L3MBTL4: variants seen among roughly 807,000 people sequenced by gnomAD.
L3MBTL4 encodes the protein lethal(3)malignant brain tumor-like protein 4.
A neutral mutation model predicts 84.5 loss-of-function variants in L3MBTL4; 70 were observed. The observed-to-expected ratio is 0.83, with a 90% CI of 0.68 to 1.01. The LOEUF is 1.01. Among genes scored for constraint, L3MBTL4 ranks in the 50% least tolerant of loss-of-function variants. L3MBTL4 has a pLI of 0.00. For missense variants in L3MBTL4, 715 were observed against 754.8 expected (o/e 0.95, Z 0.62); for synonymous variants, 274 against 259.8 (o/e 1.05, Z -0.52).
At chr18:6,172,095 T>C (rs949494803) in intron 12 of L3MBTL4, among the ~76,000 whole-genome samples, 153 bp from the exon 13 acceptor site, 2 of 152,236 alleles carry the variant, frequency 1.3e-5, no homozygotes, top group African/African-American at 2.4e-5. Flanking sequence ...TGCCATTCTA[T>C]AGCCTTCTAA....
chr18:6,295,338 CTCTCTCTCTATATA>C (rs1467950225), intron 4 of L3MBTL4, among the ~76,000 whole-genome samples: 85 of 126,512 alleles, frequency 6.7e-4, no homozygotes, highest in African/African-American at 3.0e-3. Context: ...CTCTCTCTCT[CTCTCTCTCTATATA>C]TATATATATA....
At chr18:6,311,750 T>G in intron 2 of L3MBTL4, 94 bp from the exon 3 acceptor site, 1 of 730,110 alleles carries the variant, frequency 1.4e-6, no homozygotes, top group East Asian at 2.5e-5. Context: ...ATTATACTTC[T>G]CATAGTTGGT....
At chr18:6,108,734 G>A (rs2059095112) in intron 14 of L3MBTL4, among the ~76,000 whole-genome samples, 1 of 152,078 alleles carries the variant, frequency 6.6e-6, no homozygotes, top group African/African-American at 2.4e-5. Context: ...TGGGGTACAT[G>A]TGGCTCTCCA....
chr18:6,257,707 C>T (rs1419673222), intron 5 of L3MBTL4, among the ~76,000 whole-genome samples: 5 of 144,500 alleles, frequency 3.5e-5, no homozygotes, highest in South Asian at 2.2e-4. Context: ...AGTGCAATGG[C>T]GCAATCTTGG....
At chr18:6,298,243 C>T (rs1386022416) in intron 4 of L3MBTL4, among the ~76,000 whole-genome samples, 1 of 152,106 alleles carries the variant, frequency 6.6e-6, no homozygotes, top group African/African-American at 2.4e-5. Flanking sequence ...AATATCATCA[C>T]TACTTATAAA....
chr18:6,191,955 A>G (rs1181342409), intron 12 of L3MBTL4, among the ~76,000 whole-genome samples: 2 of 151,760 alleles, frequency 1.3e-5, no homozygotes, highest in African/African-American at 4.8e-5. Flanking sequence ...GCACTACTGC[A>G]CTGCAGCCTG....
At chr18:6,241,832 G>A (rs528659174) in intron 7 of L3MBTL4, among the ~76,000 whole-genome samples, 2 of 152,090 alleles carry the variant, frequency 1.3e-5, no homozygotes, top group Admixed American at 6.5e-5. Context: ...AATGGGCAAA[G>A]GGATGAGACC....
intron 13 of L3MBTL4, among the ~76,000 whole-genome samples, chr18:6,154,069 A>T (rs9955538): frequency 6.6e-6 from 1 of 152,018 alleles, no homozygotes; most frequent in Non-Finnish European, 1.5e-5. Context: ...TTCTCTAATT[A>T]CTATGGCTTG....
chr18:6,344,218 CAGAT>C (rs1318825911), intron 1 of L3MBTL4, among the ~76,000 whole-genome samples: 1 of 151,950 alleles, frequency 6.6e-6, no homozygotes, highest in Non-Finnish European at 1.5e-5. Context: ...GACATTACAA[CAGAT>C]AGCACAGAAA....
At position 5,969,336 on chromosome 18, in the gene L3MBTL4, G is replaced by A. The variant is rs1326557015; in HGVS notation, c.1614+57C>T. Reference sequence around the variant, plus strand: ...AAAGAATGGTCAGTGGGCACCTTCCGCCTATTTCTCAGCAGCAGGCACACC... The same window carrying A: ...AAAGAATGGTCAGTGGGCACCTTCCACCTATTTCTCAGCAGCAGGCACACC... On this transcript the variant is annotated intron_variant, in intron 17 of 18. Coordinates refer to ENST00000317931, the MANE Select transcript of L3MBTL4 (RefSeq NM_001330559.2). 1.3e-5 allele frequency: 20 copies of A among 1,588,342 alleles called. No homozygotes were observed. The highest frequency in any genetic ancestry group is 4.4e-5 in the South Asian group (4 of 90,298).
intron 11 of L3MBTL4, among the ~76,000 whole-genome samples, chr18:6,213,781 A>G (rs2046214424): frequency 1.3e-5 from 2 of 152,248 alleles, no homozygotes; most frequent in Admixed American, 1.3e-4. Flanking sequence ...AACCTGTGAG[A>G]GAAAAAATAA....
At chr18:6,406,006 T>TA (rs77024342) in intron 1 of L3MBTL4, among the ~76,000 whole-genome samples, 25,634 of 152,182 alleles carry the variant, frequency 0.17, 2,651 homozygotes, top group East Asian at 0.42. Context: ...AATGTACTCT[T>TA]ACTTAGCAGC....
At chr18:6,003,146 A>T (rs900097885) in intron 16 of L3MBTL4, among the ~76,000 whole-genome samples, 1 of 104,522 alleles carries the variant, frequency 9.6e-6, no homozygotes, top group Non-Finnish European at 1.9e-5. Flanking sequence ...ATTTATAGAG[A>T]TACTATATAA....
chr18:6,058,410 T>C (rs2057097473), intron 16 of L3MBTL4, among the ~76,000 whole-genome samples: 1 of 152,192 alleles, frequency 6.6e-6, no homozygotes, highest in African/African-American at 2.4e-5. Context: ...ATCTCAGGTT[T>C]AGAAAACTTT....
chr18:6,240,985 T>C lies in L3MBTL4; in HGVS notation c.552+373A>G, dbSNP rs544139055. ...CTCATTTTCATTACACTTAAATATA[T>C]CTAGGCTGGGTACATTCAAAGCCTA... is the stretch of plus-strand genomic sequence containing the variant. On this transcript the variant is annotated intron_variant, in intron 8 of 18. Coordinates refer to ENST00000317931, the MANE Select transcript of L3MBTL4 (RefSeq NM_001330559.2). Among the ~76,000 whole-genome samples, 4 of 152,298 alleles carry C rather than the reference T, an allele frequency of 2.6e-5. No individual in the cohort carries two copies. The East Asian group carries it at 5.8e-4, about 22-fold the overall frequency.
chr18:6,213,262 G>C lies in L3MBTL4; in HGVS notation c.871-3C>G. 7.8e-6 allele frequency: 12 copies of C among 1,546,586 alleles called. No individual in the cohort carries two copies. The highest frequency in any genetic ancestry group is 1.1e-5 in the Non-Finnish European group (12 of 1,133,688). The stretch of plus-strand genomic sequence containing the variant: ...GGCAGAAAACCATGAGGCAACCTCT[G>C]TAAATGTTATTATAAGTACAACAAA... On this transcript the variant is annotated splice_polypyrimidine_tract_variant and splice_region_variant and intron_variant, in intron 11 of 18. Coordinates refer to ENST00000317931, the MANE Select transcript of L3MBTL4 (RefSeq NM_001330559.2).
chr18:6,243,732 C>T (rs1015343074), intron 6 of L3MBTL4, among the ~76,000 whole-genome samples: 2 of 152,114 alleles, frequency 1.3e-5, no homozygotes, highest in Admixed American at 1.3e-4. Flanking sequence ...TAATTCAATA[C>T]CTGTCAAATA....
At chr18:6,067,221 C>T (rs2145939204) in intron 16 of L3MBTL4, among the ~76,000 whole-genome samples, 1 of 152,236 alleles carries the variant, frequency 6.6e-6, no homozygotes, top group South Asian at 2.1e-4. Flanking sequence ...TGTCTCACAG[C>T]TCTTAAAACT....
chr18:6,161,571 A>G (rs2043338897), intron 13 of L3MBTL4, among the ~76,000 whole-genome samples: 1 of 152,268 alleles, frequency 6.6e-6, no homozygotes, highest in Admixed American at 6.5e-5. Flanking sequence ...TAAAGGGATT[A>G]TCACTTGTTT....
Sources: gnomAD v4.1 joint callset for allele counts (sites outside exome capture counted in the v4.1 genomes callset) on GRCh38, gnomAD v4.1.1 for gene constraint, MANE v1.5 for transcripts, NCBI Gene and HGNC (gene_info 2026-07-23, HGNC 2026-07-21) for gene names.